CDH20: variants seen among roughly 807,000 people sequenced by gnomAD.
CDH20 encodes cadherin-20.
Under a neutral mutation model 74.2 loss-of-function variants are expected in CDH20, and 29 were observed. The observed-to-expected ratio is 0.39, with a 90% CI of 0.29 to 0.53. The LOEUF is 0.53. Among genes scored for constraint, CDH20 ranks in the 20% least tolerant of loss-of-function variants. The probability of loss-of-function intolerance (pLI) is 0.69; values close to 1 mark genes in which losing one functional copy is unlikely to be tolerated. For synonymous variants in CDH20, 469 were observed against 405.4 expected (o/e 1.16, Z -1.88); for missense variants, 988 against 1,048.3 (o/e 0.94, Z 0.79).
rs1464320448 is a variant in CDH20 at position 61,524,830 on chromosome 18, A to G, written c.1018-3137A>G. On this transcript the variant is annotated intron_variant, in intron 6 of 11. Transcript: ENST00000262717. ...CAGCTACTTGGGAGGCTGAGGCAGA[A>G]GAGTCGCCTGAACCCGGGAGGCAGA... Among the ~76,000 whole-genome samples the G allele has an allele frequency of 2.0e-5, 3 of 152,136 alleles. No homozygotes were observed. In the East Asian group the frequency reaches 5.8e-4, roughly 29 times the overall value.
chr18:61,527,724 C>T (rs1912479166), intron 6 of CDH20, among the ~76,000 whole-genome samples: 3 of 152,132 alleles, frequency 2.0e-5, no homozygotes, highest in Non-Finnish European at 4.4e-5. Context: ...AAACTGGCTT[C>T]CTTAACTATC....
At chr18:61,411,865 G>C (rs1037841244) in intron 1 of CDH20, among the ~76,000 whole-genome samples, 1 of 151,996 alleles carries the variant, frequency 6.6e-6, no homozygotes, top group African/African-American at 2.4e-5. Flanking sequence ...TTGTGGGAAG[G>C]GGTAAGGCAA....
chr18:61,478,190 C>T (rs1057287180), intron 1 of CDH20, among the ~76,000 whole-genome samples: 1 of 148,232 alleles, frequency 6.7e-6, no homozygotes, highest in Admixed American at 6.7e-5. Context: ...CAGAGCGAGA[C>T]TCTGTCTCAA....
chr18:61,412,488 A>G (rs1032964025), intron 1 of CDH20, among the ~76,000 whole-genome samples: 1 of 152,158 alleles, frequency 6.6e-6, no homozygotes, highest in Non-Finnish European at 1.5e-5. Context: ...AATACTCAAC[A>G]TGTACACAGA....
At chr18:61,460,002 T>G (rs1909714454) in intron 1 of CDH20, among the ~76,000 whole-genome samples, 4 of 152,192 alleles carry the variant, frequency 2.6e-5, no homozygotes. Flanking sequence ...AGAAAAGCTC[T>G]TGTTGGAACA....
intron 1 of CDH20, among the ~76,000 whole-genome samples, chr18:61,373,975 C>T (rs769270623): frequency 7.2e-5 from 11 of 152,084 alleles, no homozygotes; most frequent in Non-Finnish European, 1.2e-4. Context: ...GAATTGTCTT[C>T]GACGCTTTGT....
intron 6 of CDH20, among the ~76,000 whole-genome samples, chr18:61,511,892 G>A (rs909352250): frequency 2.0e-5 from 3 of 152,150 alleles, no homozygotes; most frequent in African/African-American, 7.2e-5. Context: ...CCAGAAAATG[G>A]AATTAAGAAA....
chr18:61,472,290 T>TC (rs777304731), intron 1 of CDH20, among the ~76,000 whole-genome samples: 3 of 151,722 alleles, frequency 2.0e-5, no homozygotes, highest in East Asian at 1.9e-4. Context: ...GGGTCTTACT[T>TC]CCCCCCGAGA....
At position 61,539,072 on chromosome 18, in the gene CDH20, AT is replaced by A. The variant is rs760214109; in HGVS notation, c.1458del (p.Asp486GlufsTer2). 1 of 1,613,940 alleles carries A rather than the reference AT, an allele frequency of 6.2e-7. No homozygotes were observed. Among genetic ancestry groups the A allele is most frequent in the Non-Finnish European group, 8.5e-7 (1 of 1,179,874 alleles). On this transcript the variant is annotated frameshift_variant, in exon 9 of 12. Coordinates refer to ENST00000262717, the MANE Select transcript of CDH20 (RefSeq NM_031891.4). LOFTEE classifies it high-confidence loss of function. ...GSVPVTIKVL[D>X]VNDNAPEFPR... The stretch of plus-strand genomic sequence containing the variant: ...GTTCCTGTCACAATCAAAGTCTTAG[AT>A]GTGAATGACAATGCTCCAGAGTTCC...
intron 2 of CDH20, among the ~76,000 whole-genome samples, chr18:61,491,989 G>A (rs1001765042): frequency 6.6e-5 from 10 of 151,956 alleles, no homozygotes; most frequent in Non-Finnish European, 1.0e-4. Context: ...TTCCCTGGGT[G>A]GACTCGCCAC....
rs1268332328 is a variant in CDH20, at chr18:61,490,635, C to T, written c.82C>T (p.Leu28Phe). 6.2e-7 allele frequency: 1 copy of T among 1,613,872 alleles called. No individual in the cohort carries two copies. The highest frequency in any genetic ancestry group is 1.3e-5 in the African/African-American group (1 of 74,860). Residue 28 changes from leucine (L) to phenylalanine (F), a missense_variant, in exon 2 of 12, where the codon CTT becomes TTT. Leu to Phe is a conservative substitution (Grantham distance 22). Transcript: ENST00000262717. ...CTTGTACTTCTGGGGGCTGATGGAC[C>T]TTACGACCACCGTTCTCTCGGACAC... ...MSLYFWGLMD[L>F]TTTVLSDTPT...
chr18:61,418,335 A>T (rs1412221546), intron 1 of CDH20, among the ~76,000 whole-genome samples: 1 of 152,050 alleles, frequency 6.6e-6, no homozygotes, highest in Non-Finnish European at 1.5e-5. Context: ...TGGGTGGATC[A>T]CAAGGTCAGG....
intron 1 of CDH20, chr18:61,405,262 G>A (rs747364477): frequency 6.6e-5 from 24 of 363,718 alleles, no homozygotes; most frequent in African/African-American, 1.1e-4. Context: ...AAGATGGCCC[G>A]GGAGCGAGAA....
In CDH20 at chr18:61,550,183, C is replaced by A. The variant is rs1220963432; in HGVS notation, c.1854C>A (p.Ser618Arg). Reference sequence around the variant, plus strand: ...CCTACATGCTCCCAGTCAGTTTGAGCCGGGGCGCCCTCATTGCCATCCTCG... The same window carrying A: ...CCTACATGCTCCCAGTCAGTTTGAGACGGGGCGCCCTCATTGCCATCCTCG... ...PEAYMLPVSL[S>R]RGALIAILAC... is the part of the protein sequence containing the mutation. The change falls in exon 11 of 12, where the codon AGC (serine) becomes AGA (arginine). Residue 618 changes from serine to arginine, a missense_variant. Physicochemically the swap from Ser to Arg is moderately radical, Grantham distance 110 (BLOSUM62 -1). This residue lies in a region of CDH20 where 375 missense variants were observed against 293.1 expected (regional missense o/e 1.28). Transcript: ENST00000262717. The A allele has an allele frequency of 6.2e-7, 1 of 1,614,036 alleles. No homozygotes were observed. The highest frequency in any genetic ancestry group is 8.5e-7 in the Non-Finnish European group (1 of 1,180,026).
chr18:61,337,685 T>A lies in CDH20; in HGVS notation c.-153+3858T>A, dbSNP rs967058678. 2.0e-5 allele frequency among the ~76,000 whole-genome samples: 3 copies of A among 152,192 alleles called. No homozygotes were observed. In the South Asian group the frequency reaches 6.2e-4, roughly 32 times the overall value. ...ATATTCGGTAGACTGTGACTTATTG[T>A]TATTTACTAAAAGAAGGCACTGTCA... On this transcript the variant is annotated intron_variant, in intron 1 of 11. Coordinates refer to ENST00000262717, the MANE Select transcript of CDH20 (RefSeq NM_031891.4).
intron 1 of CDH20, among the ~76,000 whole-genome samples, chr18:61,368,941 G>T (rs1220657301): frequency 6.7e-6 from 1 of 150,018 alleles, no homozygotes; most frequent in Non-Finnish European, 1.5e-5. Context: ...ACATGAAAAA[G>T]CTGTGCCTTG....
chr18:61,385,395 A>T (rs1911561095), intron 1 of CDH20, among the ~76,000 whole-genome samples: 1 of 152,174 alleles, frequency 6.6e-6, no homozygotes, highest in Non-Finnish European at 1.5e-5. Context: ...AAGATTCTTT[A>T]ATTGAAGGAG....
chr18:61,408,021 T>A (rs981409149), intron 1 of CDH20, among the ~76,000 whole-genome samples: 4 of 152,212 alleles, frequency 2.6e-5, no homozygotes, highest in African/African-American at 9.6e-5. Context: ...AGAAGCTGGA[T>A]GAAGAATATA....
At chr18:61,342,335 C>G (rs1481004508) in intron 1 of CDH20, among the ~76,000 whole-genome samples, 1 of 152,204 alleles carries the variant, frequency 6.6e-6, no homozygotes, top group East Asian at 1.9e-4. Context: ...CTCTAACCCT[C>G]TCTTTGAATT....
Sources: allele counts gnomAD v4.1 joint callset (sites outside exome capture counted in the v4.1 genomes callset), GRCh38; gene constraint gnomAD v4.1.1; regional missense constraint gnomAD v4.1.1; transcripts MANE v1.5; gene names NCBI Gene and HGNC (gene_info 2026-07-23, HGNC 2026-07-21).